The following KRT71 variants were observed in gnomAD, a reference collection of about 807,000 sequenced individuals.
KRT71 encodes keratin, type II cytoskeletal 71.
In KRT71, 42 loss-of-function variants were observed where a neutral mutation model predicts 46.2. The observed-to-expected ratio is 0.91, with a 90% CI of 0.71 to 1.18. The LOEUF is 1.18. Among genes scored for constraint, KRT71 ranks in the 50% most tolerant of loss-of-function variants. The pLI is 0.00. For synonymous variants in KRT71, 292 were observed against 277.8 expected (o/e 1.05, Z -0.51); for missense variants, 708 against 677.9 (o/e 1.04, Z -0.49).
intron 1 of KRT71, among the ~76,000 whole-genome samples, chr12:52,552,004 T>C (rs17112733): frequency 0.01 from 1,577 of 152,336 alleles, 28 homozygotes; most frequent in African/African-American, 0.036. Flanking sequence ...TTTATAAGCC[T>C]GACAACAACC....
In KRT71 at chr12:52,548,739, C is replaced by T; in HGVS notation, c.775G>A (p.Asp259Asn). Residue 259 changes from aspartate to asparagine, a missense_variant, in exon 4 of 9, where the codon GAC becomes AAC. Physicochemically the swap from Asp to Asn is conservative, Grantham distance 23. Coordinates refer to ENST00000267119, the MANE Select transcript of KRT71 (RefSeq NM_033448.3). ...VELQAKVESM[D>N]QEIKFFRCLF... ...CACCTGAAGAACTTGATCTCCTGGTCCATGGATTCCACCTTGGCCTGCAGT... is the reference window on the plus strand; with the variant it reads ...CACCTGAAGAACTTGATCTCCTGGTTCATGGATTCCACCTTGGCCTGCAGT... 1 of 1,614,204 alleles carries T rather than the reference C, an allele frequency of 6.2e-7. No homozygotes were observed. Among genetic ancestry groups the T allele is most frequent in the Non-Finnish European group, 8.5e-7 (1 of 1,180,034 alleles).
chr12:52,546,634 C>T (rs1169627997), intron 6 of KRT71, 128 bp from the exon 7 acceptor site: 2 of 897,354 alleles, frequency 2.2e-6, no homozygotes, highest in Admixed American at 2.7e-5. Context: ...ATCACACTTC[C>T]TTGCAGCAGA....
At chr12:52,548,835 C>T in intron 3 of KRT71, 39 bp from the exon 4 acceptor site, 1 of 1,584,194 alleles carries the variant, frequency 6.3e-7, no homozygotes, top group South Asian at 1.1e-5. Flanking sequence ...ACTGCTGGTA[C>T]AGCCAAAAAG....
chr12:52,548,861 G>A (rs1160948497), intron 3 of KRT71, 65 bp from the exon 4 acceptor site: 2 of 1,413,570 alleles, frequency 1.4e-6, no homozygotes, highest in East Asian at 2.3e-5. Context: ...AGCCATCCCT[G>A]CCTGGGTTCC....
In KRT71 at chr12:52,544,441, G is replaced by A. The variant is rs1053702820; in HGVS notation, c.*91C>T. The A allele has an allele frequency of 1.5e-5, 18 of 1,166,468 alleles. No homozygotes were observed. The highest frequency in any genetic ancestry group is 2.2e-5 in the Non-Finnish European group (17 of 782,086). 72.3% of individuals were successfully genotyped at this position (1,166,468 alleles called of 1,614,324 possible). On this transcript the variant is annotated 3_prime_UTR_variant, in exon 9 of 9. Transcript: ENST00000267119. Reference sequence around the variant, plus strand: ...GGTGTATGGGAGCAGGACCAGCAGGGTGGAGATGGAGCTGAGAGTGGGCTG... The same window carrying A: ...GGTGTATGGGAGCAGGACCAGCAGGATGGAGATGGAGCTGAGAGTGGGCTG...
intron 7 of KRT71, 57 bp downstream of exon 7, chr12:52,546,229 C>G: frequency 6.3e-7 from 1 of 1,588,862 alleles, no homozygotes; most frequent in Non-Finnish European, 8.6e-7. Flanking sequence ...GTTAGGCTTT[C>G]TCCTTTGGGT....
In KRT71 at chr12:52,544,667, G is replaced by A. The variant is rs371906859; in HGVS notation, c.1437C>T (p.Asn479=). ...PSMVSGGYVA[N]SSNCISGVCS... Reference sequence around the variant, plus strand: ...ACACTCCAGAGATGCAGTTGCTGCTGTTGGCCACATAGCCACCGCTGACCA... The same window carrying A: ...ACACTCCAGAGATGCAGTTGCTGCTATTGGCCACATAGCCACCGCTGACCA... Residue 479 remains asparagine, a synonymous_variant, in exon 9 of 9, where the codon AAC becomes AAT. Transcript: ENST00000267119. The A allele has an allele frequency of 6.2e-6, 10 of 1,613,842 alleles. No individual in the cohort carries two copies. Among genetic ancestry groups the A allele is most frequent in the Non-Finnish European group, 4.2e-6 (5 of 1,180,026 alleles).
Position 52,544,464 on chromosome 12 carries a change from C to T in KRT71, c.*68G>A. On this transcript the variant is annotated 3_prime_UTR_variant, in exon 9 of 9. Transcript: ENST00000267119. ...GGGTGGAGATGGAGCTGAGAGTGGG[C>T]TGTGGGAAGTACAGTGTGGGATCCA... 2.2e-6 allele frequency: 3 copies of T among 1,386,940 alleles called. No homozygotes were observed. The highest frequency in any genetic ancestry group is 1.2e-5 in the South Asian group (1 of 84,698). The allele number at this position is 1,386,940 out of a possible 1,614,324, so 85.9% of individuals were successfully genotyped here.
At chr12:52,552,585 A>G (rs948929563) in intron 1 of KRT71, 52 bp downstream of exon 1, 26 of 1,530,208 alleles carry the variant, frequency 1.7e-5, no homozygotes, top group Non-Finnish European at 2.1e-5. Context: ...GTATGTTCCA[A>G]GAAGAGAAGA....
chr12:52,547,003 G>A (rs1287771850), intron 6 of KRT71, among the ~76,000 whole-genome samples: 2 of 152,154 alleles, frequency 1.3e-5, no homozygotes, highest in Non-Finnish European at 2.9e-5. Context: ...ACATACCATT[G>A]ACATAACTTA....
intron 4 of KRT71, 41 bp downstream of exon 4, chr12:52,548,660 C>T (rs1278944783): frequency 6.4e-7 from 1 of 1,569,182 alleles, no homozygotes; most frequent in Admixed American, 1.7e-5. Flanking sequence ...GTTTAACCCA[C>T]CAGCCTCCCC....
At chr12:52,547,036 C>A (rs546046529) in intron 6 of KRT71, among the ~76,000 whole-genome samples, 1 of 152,270 alleles carries the variant, frequency 6.6e-6, no homozygotes, top group South Asian at 2.1e-4. Context: ...CTTGCAACAC[C>A]CTGTGAAGTG....
chr12:52,544,507 G>A lies in KRT71; in HGVS notation c.*25C>T, dbSNP rs766075041. ...GGGATCCAGAGCCGGGTCATGGAAT[G>A]AGGCGGGGCCCGGGGCAGTCTTCTC... On this transcript the variant is annotated 3_prime_UTR_variant, in exon 9 of 9. Transcript: ENST00000267119. The A allele has an allele frequency of 5.0e-6, 8 of 1,600,970 alleles. No homozygotes were observed. In the South Asian group the frequency reaches 6.6e-5, roughly 13 times the overall value.
intron 5 of KRT71, 45 bp downstream of exon 5, chr12:52,548,107 G>C (rs1239823230): frequency 3.7e-6 from 6 of 1,605,218 alleles, no homozygotes; most frequent in South Asian, 2.2e-5. Context: ...TCCATCTGCT[G>C]CCCGCTGGCA....
rs138525386 is a variant in KRT71 at position 52,544,701 on chromosome 12, C to T, written c.1403G>A (p.Arg468Gln). The T allele has an allele frequency of 3.5e-5, 56 of 1,612,202 alleles. No homozygotes were observed. The highest frequency in any genetic ancestry group is 1.7e-4 in the Middle Eastern group (1 of 5,996). ...STSGGSVYGFRPSMVSGGYVA... is the reference protein window; with the variant it reads ...STSGGSVYGFQPSMVSGGYVA... ...ATAGCCACCGCTGACCATGCTGGGC[C>T]GGAAGCCATAGACACTGCCGCCACT... Residue 468 changes from arginine (R) to glutamine (Q), a missense_variant, in exon 9 of 9, where the codon CGG becomes CAG. Physicochemically the swap from Arg to Gln is conservative, Grantham distance 43. Transcript: ENST00000267119.
rs113996639 is a variant in KRT71, at chr12:52,546,696, G to A, written c.1105-190C>T. The stretch of plus-strand genomic sequence containing the variant: ...CCTTAGCTCTAGCCCCATTCCCTGT[G>A]TTGGATGTGTGGGTGATGGAAATCA... On this transcript the variant is annotated intron_variant, in intron 6 of 8. Coordinates refer to ENST00000267119, the MANE Select transcript of KRT71 (RefSeq NM_033448.3). Among the ~76,000 whole-genome samples, 201 of 152,344 alleles carry A rather than the reference G, an allele frequency of 1.3e-3. 1 individual carries two copies. Among genetic ancestry groups the A allele is most frequent in the African/African-American group, 4.4e-3 (182 of 41,586 alleles).
chr12:52,545,135 C>A (rs1174919719), intron 8 of KRT71, among the ~76,000 whole-genome samples: 1 of 152,206 alleles, frequency 6.6e-6, no homozygotes, highest in Non-Finnish European at 1.5e-5. Flanking sequence ...ACTCTTTTAG[C>A]CCTGCTAAGC....
rs1207904355 is a variant in KRT71, at chr12:52,544,254, A to G, written c.*278T>C. The G allele has an allele frequency of 3.8e-6, 2 of 526,146 alleles. No homozygotes were observed. The highest frequency in any genetic ancestry group is 4.3e-5 in the South Asian group (2 of 46,128). 32.6% of individuals were successfully genotyped at this position (526,146 alleles called of 1,614,324 possible). A position where few individuals can be genotyped will look rare whatever the true frequency, so the allele number is the denominator to read the frequency against. ...CGCTAGAGGCCGGGCAGAGGAGGAA[A>G]GCTGGCAGCCAGGACCTGGGCTGGT... On this transcript the variant is annotated 3_prime_UTR_variant, in exon 9 of 9. Coordinates refer to ENST00000267119, the MANE Select transcript of KRT71 (RefSeq NM_033448.3).
chr12:52,547,882 G>A lies in KRT71; in HGVS notation c.1079C>T (p.Ser360Leu), dbSNP rs967882255. The A allele has an allele frequency of 9.9e-6, 16 of 1,614,152 alleles. No homozygotes were observed. Among genetic ancestry groups the A allele is most frequent in the Middle Eastern group, 3.3e-4 (2 of 6,062 alleles). ...CTGCTTCTTCACGTTCTCGATCTCT[G>A]AGCGGATTCTCTGGATGAGCCGAGT... ...ELTRLIQRIRSEIENVKKQAS... is the reference protein window; with the variant it reads ...ELTRLIQRIRLEIENVKKQAS... The change falls in exon 6 of 9, where the codon TCA (serine) becomes TTA (leucine). Residue 360 changes from serine (S) to leucine (L), a missense_variant. Physicochemically the swap from Ser to Leu is moderately radical, Grantham distance 145 (BLOSUM62 -2). Coordinates refer to ENST00000267119, the MANE Select transcript of KRT71 (RefSeq NM_033448.3).
Sources: allele counts gnomAD v4.1 joint callset (sites outside exome capture counted in the v4.1 genomes callset), GRCh38; gene constraint gnomAD v4.1.1; transcripts MANE v1.5; gene names NCBI Gene and HGNC (gene_info 2026-07-23, HGNC 2026-07-21).